The following CDH13 variants were observed in gnomAD, a reference collection of about 807,000 sequenced individuals.
The protein encoded by CDH13 is cadherin 13.
CDH13 carries 24 observed loss-of-function variants against 63.8 expected under a neutral mutation model. The observed-to-expected ratio is 0.38, with a 90% CI of 0.27 to 0.53. CDH13 has a LOEUF of 0.53. CDH13 is among the 20% of genes least tolerant of loss of function. CDH13 has a pLI of 0.85. For synonymous variants in CDH13, 503 were observed against 355.3 expected, an observed-to-expected ratio of 1.42 and a Z score of -4.67; for missense variants, 1,049 against 903.1, an observed-to-expected ratio of 1.16 and a Z score of -2.07.
At chr16:82,958,560 G>A (rs1026033049) in intron 2 of CDH13, among the ~76,000 whole-genome samples, 2 of 152,216 alleles carry the variant, frequency 1.3e-5, no homozygotes, top group Non-Finnish European at 2.9e-5. Flanking sequence ...TTGAGAGGAA[G>A]ACAATGAGTA....
chr16:83,623,573 G>A (rs554238639), intron 8 of CDH13, among the ~76,000 whole-genome samples: 46 of 152,150 alleles, frequency 3.0e-4, no homozygotes, highest in African/African-American at 1.0e-3. Context: ...ACTTTTTCCC[G>A]GCAGCTCTAC....
intron 1 of CDH13, among the ~76,000 whole-genome samples, chr16:82,670,203 G>A (rs1232846581): frequency 6.6e-6 from 1 of 152,176 alleles, no homozygotes; most frequent in Non-Finnish European, 1.5e-5. Flanking sequence ...AGCTGCATCC[G>A]AAATATTTGA....
At chr16:83,144,762 A>T (rs1182307366) in intron 4 of CDH13, among the ~76,000 whole-genome samples, 2 of 152,358 alleles carry the variant, frequency 1.3e-5, no homozygotes, top group East Asian at 1.9e-4. Flanking sequence ...TGGGCTGGGG[A>T]TCCCAGATTC....
At chr16:83,567,542 T>A (rs547178922) in intron 7 of CDH13, among the ~76,000 whole-genome samples, 9 of 152,328 alleles carry the variant, frequency 5.9e-5, no homozygotes, top group East Asian at 5.8e-4. Context: ...AAAAATTTTT[T>A]AAAAAGCAAG....
At chr16:83,719,166 C>A (rs1009528831) in intron 10 of CDH13, among the ~76,000 whole-genome samples, 1 of 152,154 alleles carries the variant, frequency 6.6e-6, no homozygotes, top group African/African-American at 2.4e-5. Flanking sequence ...AGTCCAGTAG[C>A]CAAGTAGAAT....
intron 8 of CDH13, among the ~76,000 whole-genome samples, chr16:83,650,134 A>T (rs1472423215): frequency 6.6e-6 from 1 of 152,164 alleles, no homozygotes; most frequent in Non-Finnish European, 1.5e-5. Flanking sequence ...GTAAGACCAG[A>T]ATCAATGTGT....
intron 6 of CDH13, among the ~76,000 whole-genome samples, chr16:83,395,794 C>G (rs950713567): frequency 6.6e-6 from 1 of 151,940 alleles, no homozygotes. Context: ...CCTTTCCGTT[C>G]TTTTTTTTAA....
intron 1 of CDH13, among the ~76,000 whole-genome samples, chr16:82,637,428 C>CTTTTTTTTTTTTTTTTTTTT (rs573088098): frequency 2.4e-5 from 2 of 81,654 alleles, no homozygotes; most frequent in African/African-American, 5.2e-5. Context: ...GTTACTGTGC[C>CTTTTTTTTTTTTTTTTTTTT]TTTTTTTTTT....
chr16:83,590,987 C>T (rs747272228), intron 7 of CDH13, among the ~76,000 whole-genome samples: 7 of 150,064 alleles, frequency 4.7e-5, no homozygotes, highest in South Asian at 2.1e-4. Flanking sequence ...CTTAGCACAC[C>T]GCAATCTCCA....
chr16:83,240,855 C>T (rs928416769), intron 5 of CDH13, among the ~76,000 whole-genome samples: 1 of 150,680 alleles, frequency 6.6e-6, no homozygotes, highest in African/African-American at 2.4e-5. Context: ...GACCTCTGTG[C>T]CTAGCTTCTT....
intron 4 of CDH13, among the ~76,000 whole-genome samples, chr16:83,131,926 C>A (rs1006990574): frequency 1.3e-5 from 2 of 152,154 alleles, no homozygotes; most frequent in African/African-American, 4.8e-5. Context: ...AACCAGGACT[C>A]CGCTTTGATT....
chr16:83,127,854 A>G (rs952405984), intron 4 of CDH13, among the ~76,000 whole-genome samples: 2 of 152,234 alleles, frequency 1.3e-5, no homozygotes, highest in African/African-American at 4.8e-5. Flanking sequence ...TCTCTAAGCA[A>G]AAATCTTTTT....
At chr16:83,270,258 C>T (rs572880796) in intron 5 of CDH13, among the ~76,000 whole-genome samples, 3 of 152,110 alleles carry the variant, frequency 2.0e-5, no homozygotes, top group South Asian at 2.1e-4. Context: ...CTAAAATGGC[C>T]CTGTCATGCT....
intron 5 of CDH13, among the ~76,000 whole-genome samples, chr16:83,306,283 T>A (rs1469443788): frequency 6.6e-6 from 1 of 152,194 alleles, no homozygotes; most frequent in Non-Finnish European, 1.5e-5. Context: ...CCAAGGCTTA[T>A]GTAGAAATTG....
intron 6 of CDH13, among the ~76,000 whole-genome samples, chr16:83,475,408 G>T (rs149208202): frequency 2.0e-5 from 3 of 152,200 alleles, no homozygotes; most frequent in Non-Finnish European, 2.9e-5. Flanking sequence ...TAAGATGCAA[G>T]GGTCTGGATC....
chr16:82,864,595 G>GC (rs1185917243), intron 2 of CDH13, among the ~76,000 whole-genome samples: 3 of 151,944 alleles, frequency 2.0e-5, no homozygotes, highest in Non-Finnish European at 4.4e-5. Flanking sequence ...AGAGAAAACT[G>GC]CCCCCGTAAT....
At chr16:82,758,426 A>AC (rs5818402) in intron 1 of CDH13, among the ~76,000 whole-genome samples, 181 of 149,446 alleles carry the variant, frequency 1.2e-3, no homozygotes, top group South Asian at 3.2e-3. Context: ...GACTGTTGAT[A>AC]CCCCCCCCCC....
intron 5 of CDH13, among the ~76,000 whole-genome samples, chr16:83,307,616 A>C (rs1349051836): frequency 2.0e-5 from 3 of 152,216 alleles, no homozygotes; most frequent in Non-Finnish European, 4.4e-5. Flanking sequence ...TTACAAAGTA[A>C]AATAAACCCA....
chr16:82,726,319 T>C (rs774564130), intron 1 of CDH13, among the ~76,000 whole-genome samples: 25 of 152,208 alleles, frequency 1.6e-4, no homozygotes, highest in Non-Finnish European at 2.9e-4. Flanking sequence ...TCAGCCAATA[T>C]AGTATAAAAG....
Sources: allele counts gnomAD v4.1 joint callset (sites outside exome capture counted in the v4.1 genomes callset), GRCh38; gene constraint gnomAD v4.1.1; transcripts MANE v1.5; gene names NCBI Gene and HGNC (gene_info 2026-07-23, HGNC 2026-07-21).